The following ERMN variants were observed in gnomAD, a reference collection of about 807,000 sequenced individuals.
ERMN encodes ermin, ERM-like protein.
ERMN carries 17 observed loss-of-function variants against 21.4 expected under a neutral mutation model. That is an observed-to-expected ratio of 0.80 (90% CI 0.54 to 1.19). The LOEUF (loss-of-function observed/expected upper bound fraction) is 1.19, where lower values mean the gene tolerates loss of function less well. Among genes scored for constraint, ERMN ranks in the 50% most tolerant of loss-of-function variants. The pLI, the probability that ERMN is intolerant of heterozygous loss-of-function variation, is 0.00. For synonymous variants in ERMN, 115 were observed against 111.9 expected (o/e 1.03, Z -0.17); for missense variants, 348 against 331.6 (o/e 1.05, Z -0.38).
Position 157,321,655 on chromosome 2 carries a change from A to C in ERMN, c.471T>G (p.Ile157Met). 1 of 1,613,988 alleles carries C rather than the reference A, an allele frequency of 6.2e-7. No individual in the cohort carries two copies. Among genetic ancestry groups the C allele is most frequent in the Non-Finnish European group, 8.5e-7 (1 of 1,179,960 alleles). Reference sequence around the variant, plus strand: ...TAGGTTTTCGAAATCCCAGCCATTCAATTTCAGCTGCCTGGTGACCTTTGT... The same window carrying C: ...TAGGTTTTCGAAATCCCAGCCATTCCATTTCAGCTGCCTGGTGACCTTTGT... ...RKNKGHQAAE[I>M]EWLGFRKPSQ... is the part of the protein sequence containing the mutation. Residue 157 changes from isoleucine to methionine, a missense_variant, in exon 3 of 3, where the codon ATT (isoleucine) becomes ATG (methionine). Transcript: ENST00000410096.
At position 157,318,754 on chromosome 2, in the gene ERMN, A is replaced by T. The variant is rs1683785506; in HGVS notation, c.*2517T>A. 6.6e-6 allele frequency: 1 copy of T among 152,168 alleles called. No individual in the cohort carries two copies. Among genetic ancestry groups the T allele is most frequent in the Admixed American group, 6.6e-5 (1 of 15,262 alleles). The allele number at this position is 152,168 out of a possible 1,614,324, so 9.4% of individuals were successfully genotyped here. A position where few individuals can be genotyped will look rare whatever the true frequency, so the allele number is the denominator to read the frequency against. On this transcript the variant is annotated 3_prime_UTR_variant, in exon 3 of 3. Coordinates refer to ENST00000410096, the MANE Select transcript of ERMN (RefSeq NM_020711.3). ...TAGCATTATATGAAAGGTAGATTTT[A>T]TATTGGCAGAGAAATAGAGCTATTA...
In ERMN at chr2:157,325,609, C is replaced by T; in HGVS notation, c.34G>A (p.Glu12Lys). ...TDVPATFTQA[E>K]CNGDKPPENG... ...TCAGGTGGTTTATCCCCATTACACT[C>T]AGCCTGGGTAAATGTAGCCGGAACA... Residue 12 changes from glutamate to lysine, a missense_variant, in exon 1 of 3, where the codon GAG becomes AAG. Transcript: ENST00000410096. 6.2e-7 allele frequency: 1 copy of T among 1,614,192 alleles called. No individual in the cohort carries two copies.
At chr2:157,325,344 A>G in intron 1 of ERMN, 58 bp downstream of exon 1, 1 of 1,607,958 alleles carries the variant, frequency 6.2e-7, no homozygotes, top group Non-Finnish European at 8.5e-7. Flanking sequence ...TATCAAAAAA[A>G]TCCAGGGTAA....
intron 1 of ERMN, chr2:157,325,107 A>C (rs551117410): frequency 3.7e-6 from 2 of 547,644 alleles, no homozygotes; most frequent in African/African-American, 1.9e-5. Context: ...TAAATACAGT[A>C]GTTAACATTT....
In ERMN at chr2:157,325,717, C is replaced by T. The variant is rs755698964; in HGVS notation, c.-75G>A. 2.0e-5 allele frequency: 32 copies of T among 1,602,544 alleles called. 1 individual carries two copies. The East Asian group carries it at 6.7e-4, about 34-fold the overall frequency. The stretch of plus-strand genomic sequence containing the variant: ...GAGTAGATCCTTGATAAGATACCTG[C>T]TCTTGCCTTCAAGTCCTATAGTTCC... On this transcript the variant is annotated 5_prime_UTR_variant, in exon 1 of 3. Coordinates refer to ENST00000410096, the MANE Select transcript of ERMN (RefSeq NM_020711.3).
chr2:157,325,006 A>C lies in ERMN; in HGVS notation c.242-244T>G, dbSNP rs1684025535. 2.0e-5 allele frequency: 7 copies of C among 355,840 alleles called. No individual in the cohort carries two copies. The South Asian group carries it at 2.4e-4, about 12-fold the overall frequency. 22.0% of individuals were successfully genotyped at this position (355,840 alleles called of 1,614,324 possible). A position where few individuals can be genotyped will look rare whatever the true frequency, so the allele number is the denominator to read the frequency against. The stretch of plus-strand genomic sequence containing the variant: ...ATATATATATAAGATATAGAACCAT[A>C]AATTCAGAGAACTTCAGTTATATTT... On this transcript the variant is annotated intron_variant, in intron 1 of 2. Coordinates refer to ENST00000410096, the MANE Select transcript of ERMN (RefSeq NM_020711.3).
intron 1 of ERMN, 166 bp downstream of exon 1, chr2:157,325,235 GC>G (rs1420049321): frequency 1.0e-6 from 1 of 958,694 alleles, no homozygotes. Flanking sequence ...AAATAGACCA[GC>G]CTGGATTTCA....
At chr2:157,324,648 A>C in intron 2 of ERMN, 22 bp downstream of exon 2, 1 of 1,566,246 alleles carries the variant, frequency 6.4e-7, no homozygotes, top group Non-Finnish European at 8.8e-7. Context: ...ATTTCTGTGT[A>C]CAAAACTGTA....
Position 157,321,479 on chromosome 2 carries a change from A to G in ERMN, c.647T>C (p.Phe216Ser). The change falls in exon 3 of 3, where the codon TTT (phenylalanine) becomes TCT (serine). Residue 216 changes from phenylalanine to serine, a missense_variant. Transcript: ENST00000410096. ...CTCACTTGCATCACCTTCCTCTTTA[A>G]ATTGAGAAACCTCTTCATGTTTTTT... ...FKKKHEEVSQ[F>S]KEEGDASEDS... 1 of 1,613,974 alleles carries G rather than the reference A, an allele frequency of 6.2e-7. No individual in the cohort carries two copies. Among genetic ancestry groups the G allele is most frequent in the Non-Finnish European group, 8.5e-7 (1 of 1,179,986 alleles).
chr2:157,319,832 T>C lies in ERMN; in HGVS notation c.*1439A>G, dbSNP rs1558911551. ...TATGTGATACTATGGAAATATAATA[T>C]ATGACCCGGAAGGATTAAAGAAGTT... is the stretch of plus-strand genomic sequence containing the variant. On this transcript the variant is annotated 3_prime_UTR_variant, in exon 3 of 3. Coordinates refer to ENST00000410096, the MANE Select transcript of ERMN (RefSeq NM_020711.3). 1 of 152,246 alleles carries C rather than the reference T, an allele frequency of 6.6e-6. No individual in the cohort carries two copies. The highest frequency in any genetic ancestry group is 1.9e-4 in the East Asian group (1 of 5,182). 9.4% of individuals were successfully genotyped at this position (152,246 alleles called of 1,614,324 possible).
chr2:157,324,323 C>G, intron 2 of ERMN: 1 of 225,334 alleles, frequency 4.4e-6, no homozygotes, highest in Non-Finnish European at 8.9e-6. Flanking sequence ...AGGAAAGACC[C>G]GTTTTTGAAA....
chr2:157,321,761 C>T lies in ERMN; in HGVS notation c.365G>A (p.Gly122Asp), dbSNP rs760097906. 6.2e-7 allele frequency: 1 copy of T among 1,611,590 alleles called. No individual in the cohort carries two copies. Among genetic ancestry groups the T allele is most frequent in the Non-Finnish European group, 8.5e-7 (1 of 1,179,512 alleles). The change falls in exon 3 of 3, where the codon GGC becomes GAC. Residue 122 changes from glycine (G) to aspartate (D), a missense_variant. By Grantham distance (94) the Gly-to-Asp change is moderately conservative. Transcript: ENST00000410096. ...CTGTCTTCTTATTTCCTGGTTACTG[C>T]CACTCAGAGGAATCTTCTCCCACTG... The part of the protein sequence containing the change: ...GHQWEKIPLS[G>D]SNQEIRRQKE...
upstream of ERMN, chr2:157,327,607 G>A: frequency 1.5e-6 from 1 of 674,638 alleles, no homozygotes; most frequent in Non-Finnish European, 2.7e-6. Context: ...AGAGTTTGCA[G>A]CACAGATGAA....
chr2:157,323,355 T>A (rs73968421), intron 2 of ERMN, among the ~76,000 whole-genome samples: 3,118 of 152,324 alleles, frequency 0.02, 100 homozygotes, highest in African/African-American at 0.071. Flanking sequence ...TAAGTTCATA[T>A]TGTGAAGTCT....
upstream of ERMN, chr2:157,327,494 G>A: frequency 1.3e-6 from 1 of 780,126 alleles, no homozygotes; most frequent in South Asian, 1.3e-5. Flanking sequence ...GTCTTCTGAG[G>A]TAGGTGCTGT....
chr2:157,327,607 G>T (rs1684098664), upstream of ERMN: 1 of 674,638 alleles, frequency 1.5e-6, no homozygotes, highest in Non-Finnish European at 2.7e-6. Flanking sequence ...AGAGTTTGCA[G>T]CACAGATGAA....
intron 2 of ERMN, among the ~76,000 whole-genome samples, chr2:157,323,235 A>G (rs1339609360): frequency 6.6e-6 from 1 of 152,192 alleles, no homozygotes; most frequent in African/African-American, 2.4e-5. Context: ...GTTACCTGCA[A>G]TGGACTCCTG....
In ERMN at chr2:157,325,728, A is replaced by AACTCCTAT; in HGVS notation, c.-87_-86insATAGGAGT. The AACTCCTAT allele has an allele frequency of 1.3e-6, 2 of 1,597,544 alleles. No individual in the cohort carries two copies. The highest frequency in any genetic ancestry group is 2.7e-5 in the African/African-American group (2 of 74,854). ...TGATAAGATACCTGCTCTTGCCTTC[A>AACTCCTAT]AGTCCTATAGTTCCAACTCCTACTC... On this transcript the variant is annotated 5_prime_UTR_variant, in exon 1 of 3. Coordinates refer to ENST00000410096, the MANE Select transcript of ERMN (RefSeq NM_020711.3).
Position 157,325,142 on chromosome 2 carries a change from A to C in ERMN, c.241+260T>G, listed in dbSNP as rs569358573. ...TAGCCAATACTTACCCTAGACTTGT[A>C]GTTATTATTATTATTCCGCCTTCTT... On this transcript the variant is annotated intron_variant, in intron 1 of 2. Transcript: ENST00000410096. The C allele has an allele frequency of 9.9e-4, 615 of 618,112 alleles. 14 individuals carry two copies. The highest frequency in any genetic ancestry group is 9.1e-3 in the South Asian group (601 of 65,904). 38.3% of individuals were successfully genotyped at this position (618,112 alleles called of 1,614,324 possible). A position where few individuals can be genotyped will look rare whatever the true frequency, so the allele number is the denominator to read the frequency against.
Sources: gnomAD v4.1 joint callset for allele counts (sites outside exome capture counted in the v4.1 genomes callset) on GRCh38, gnomAD v4.1.1 for gene constraint, MANE v1.5 for transcripts, NCBI Gene and HGNC (gene_info 2026-07-23, HGNC 2026-07-21) for gene names.